The following USP32 variants were observed in gnomAD, a reference collection of about 807,000 sequenced individuals.
USP32 encodes ubiquitin carboxyl-terminal hydrolase 32.
A neutral mutation model predicts 204.8 loss-of-function variants in USP32; 59 were observed. The observed-to-expected ratio is 0.29, with a 90% CI of 0.23 to 0.36. The LOEUF (loss-of-function observed/expected upper bound fraction) is 0.36. Among genes scored for constraint, USP32 ranks in the 10% least tolerant of loss-of-function variants. The pLI, the probability that USP32 is intolerant of heterozygous loss-of-function variation, is 1.00. For missense variants in USP32, 1,160 were observed against 1,946.4 expected, an observed-to-expected ratio of 0.60 and a Z score of 7.60; for synonymous variants, 517 against 678.4, an observed-to-expected ratio of 0.76 and a Z score of 3.70.
At chr17:60,294,067 A>G (rs1298508162) in intron 4 of USP32, among the ~76,000 whole-genome samples, 1 of 152,184 alleles carries the variant, frequency 6.6e-6, no homozygotes, top group African/African-American at 2.4e-5. Context: ...AACAGAAAAA[A>G]TGACTTTCCC....
At chr17:60,384,791 CAA>C (rs78025849) in intron 1 of USP32, among the ~76,000 whole-genome samples, 12 of 121,376 alleles carry the variant, frequency 9.9e-5, no homozygotes, top group Non-Finnish European at 1.4e-4. Flanking sequence ...AAACTCCGTC[CAA>C]AAAAAAAAAA....
intron 1 of USP32, among the ~76,000 whole-genome samples, chr17:60,399,885 G>A (rs2089923613): frequency 6.6e-6 from 1 of 152,114 alleles, no homozygotes; most frequent in Non-Finnish European, 1.5e-5. Context: ...AGAAGGGGAT[G>A]GGATCAAATC....
At chr17:60,356,488 G>A (rs957012905) in intron 1 of USP32, among the ~76,000 whole-genome samples, 5 of 152,098 alleles carry the variant, frequency 3.3e-5, no homozygotes, top group East Asian at 3.9e-4. Context: ...ACACACACCC[G>A]AGTAGTATAG....
chr17:60,185,289 T>C (rs2084222190), intron 30 of USP32, among the ~76,000 whole-genome samples, 171 bp downstream of exon 30: 1 of 152,192 alleles, frequency 6.6e-6, no homozygotes, highest in South Asian at 2.1e-4. Context: ...TACAAAATAT[T>C]TGTAGAAAGA....
chr17:60,377,496 G>A (rs986622933), intron 1 of USP32, among the ~76,000 whole-genome samples: 4 of 152,034 alleles, frequency 2.6e-5, no homozygotes, highest in African/African-American at 7.2e-5. Flanking sequence ...GGCTAAGAAA[G>A]GTTAAATTTC....
At chr17:60,354,938 G>C (rs1360236159) in intron 1 of USP32, among the ~76,000 whole-genome samples, 2 of 152,176 alleles carry the variant, frequency 1.3e-5, no homozygotes, top group African/African-American at 4.8e-5. Context: ...CAGCTACTCA[G>C]GAGACTGAGG....
chr17:60,245,061 T>C (rs2085978508), intron 11 of USP32, among the ~76,000 whole-genome samples: 2 of 152,268 alleles, frequency 1.3e-5, no homozygotes, highest in African/African-American at 4.8e-5. Flanking sequence ...CTTTGTGCTA[T>C]TGTTGTCACT....
chr17:60,232,741 T>C (rs1211175157), intron 12 of USP32, among the ~76,000 whole-genome samples: 2 of 151,918 alleles, frequency 1.3e-5, no homozygotes, highest in African/African-American at 4.8e-5. Context: ...GAGACGGGTT[T>C]TCTCCAGGTT....
chr17:60,338,683 T>C (rs1020963741), intron 2 of USP32, among the ~76,000 whole-genome samples: 3 of 152,088 alleles, frequency 2.0e-5, no homozygotes, highest in Admixed American at 2.0e-4. Context: ...TGAGCCGAAA[T>C]TGCACCACTG....
intron 12 of USP32, among the ~76,000 whole-genome samples, chr17:60,234,942 G>A (rs1263341864): frequency 6.6e-6 from 1 of 152,088 alleles, no homozygotes; most frequent in African/African-American, 2.4e-5. Flanking sequence ...CCAGAGTGGA[G>A]AAGGGAATAT....
intron 2 of USP32, chr17:60,316,195 C>A: frequency 3.8e-6 from 1 of 260,112 alleles, no homozygotes; most frequent in South Asian, 4.0e-5. Flanking sequence ...GCTACCTTGC[C>A]GCATATATGG....
At chr17:60,369,658 A>T (rs1309198636) in intron 1 of USP32, among the ~76,000 whole-genome samples, 1 of 152,196 alleles carries the variant, frequency 6.6e-6, no homozygotes, top group Non-Finnish European at 1.5e-5. Context: ...ATACAAAACA[A>T]ATAGCAATGT....
At chr17:60,406,930 G>A (rs183810120) in intron 1 of USP32, among the ~76,000 whole-genome samples, 116 of 152,298 alleles carry the variant, frequency 7.6e-4, no homozygotes, top group African/African-American at 2.7e-3. Context: ...TTCTGATCAT[G>A]ATGGAGTTAA....
intron 9 of USP32, among the ~76,000 whole-genome samples, chr17:60,263,368 G>A (rs1223126859): frequency 6.6e-6 from 1 of 152,144 alleles, no homozygotes; most frequent in Non-Finnish European, 1.5e-5. Context: ...GTCAACAGAT[G>A]AATTAGATAA....
chr17:60,394,454 C>T (rs2089886277), upstream of USP32, among the ~76,000 whole-genome samples: 1 of 152,186 alleles, frequency 6.6e-6, no homozygotes, highest in Non-Finnish European at 1.5e-5. Context: ...TAATGTATCT[C>T]TTTGTGGCAC....
chr17:60,267,513 A>G (rs924369479), intron 7 of USP32, among the ~76,000 whole-genome samples: 14 of 152,094 alleles, frequency 9.2e-5, no homozygotes, highest in Non-Finnish European at 1.9e-4. Context: ...TTTTGGCAAA[A>G]ACAATTTTAA....
At chr17:60,278,568 A>G (rs1227104772) in intron 5 of USP32, among the ~76,000 whole-genome samples, 1 of 152,206 alleles carries the variant, frequency 6.6e-6, no homozygotes, top group Non-Finnish European at 1.5e-5. Context: ...GGACAGAAAG[A>G]CAAAAAAGCA....
In USP32 at chr17:60,288,655, T is replaced by C; in HGVS notation, c.439A>G (p.Arg147Gly). Residue 147 changes from arginine (R) to glycine (G), a missense_variant, in exon 5 of 34, where the codon AGA becomes GGA. By Grantham distance (125) the Arg-to-Gly change is moderately radical (BLOSUM62 -2). Transcript: ENST00000300896. ...EGEKVNYEKFRNWLFLNKDAF... is the reference protein window; with the variant it reads ...EGEKVNYEKFGNWLFLNKDAF... ...TCTTTGTTTAGAAAAAGCCAATTTCTAAACTTTTCATAGTTTACCTTTTCA... is the reference window on the plus strand; with the variant it reads ...TCTTTGTTTAGAAAAAGCCAATTTCCAAACTTTTCATAGTTTACCTTTTCA... 6.2e-7 allele frequency: 1 copy of C among 1,610,124 alleles called. No homozygotes were observed. Among genetic ancestry groups the C allele is most frequent in the Non-Finnish European group, 8.5e-7 (1 of 1,178,876 alleles).
upstream of USP32, chr17:60,392,258 A>T: frequency 9.6e-5 from 28 of 291,644 alleles, no homozygotes; most frequent in Middle Eastern, 1.2e-3. Flanking sequence ...AGCTCCGCCG[A>T]GGGTCACGGG....
Sources: allele counts gnomAD v4.1 joint callset (sites outside exome capture counted in the v4.1 genomes callset), GRCh38; gene constraint gnomAD v4.1.1; transcripts MANE v1.5; gene names NCBI Gene and HGNC (gene_info 2026-07-23, HGNC 2026-07-21).